MYH8: variants seen among roughly 807,000 people sequenced by gnomAD.
The protein encoded by MYH8 is myosin heavy chain 8.
Under a neutral mutation model 233.2 loss-of-function variants are expected in MYH8, and 168 were observed. That is an observed-to-expected ratio of 0.72 (90% CI 0.64 to 0.82). The LOEUF is 0.82. Ranked by LOEUF, MYH8 falls within the 40% of genes least tolerant of loss-of-function variation. The pLI is 0.00. For synonymous variants in MYH8, 785 were observed against 850.6 expected, an observed-to-expected ratio of 0.92 and a Z score of 1.34; for missense variants, 1,995 against 2,327.8, an observed-to-expected ratio of 0.86 and a Z score of 2.94.
At chr17:10,418,499 T>TCACAGC (rs2072306793) in intron 5 of MYH8, 146 bp downstream of exon 5, 1 of 1,428,316 alleles carries the variant, frequency 7.0e-7, no homozygotes, top group East Asian at 2.3e-5. Flanking sequence ...GCATAAGATG[T>TCACAGC]CACAGCTGTG....
Position 10,409,105 on chromosome 17 carries a change from G to T in MYH8, c.1957C>A (p.Leu653Ile), listed in dbSNP as rs1225738007. 6 of 1,613,926 alleles carry T rather than the reference G, an allele frequency of 3.7e-6. No individual in the cohort carries two copies. Among genetic ancestry groups the T allele is most frequent in the African/African-American group, 2.7e-5 (2 of 75,016 alleles). ...KGSSFQTVSA[L>I]FRENLNKLMT... Reference sequence around the variant, plus strand: ...TTAAATTTGTACTTTACCCTGAAAAGGGCAGACACAGTCTGGAAAGAAGAG... The same window carrying T: ...TTAAATTTGTACTTTACCCTGAAAATGGCAGACACAGTCTGGAAAGAAGAG... The change falls in exon 17 of 40, where the codon CTT becomes ATT. Residue 653 changes from leucine to isoleucine, a missense_variant. Leu to Ile is a conservative substitution (Grantham distance 5). Transcript: ENST00000403437.
At chr17:10,393,991 CTTTTTTTTTTTTTTT>C (rs35512526) in intron 35 of MYH8, among the ~76,000 whole-genome samples, 5 of 35,992 alleles carry the variant, frequency 1.4e-4, no homozygotes, top group Admixed American at 5.4e-4. Context: ...AAAGTAATAG[CTTTTTTTTTTTTTTT>C]TTTTTTTTTT....
intron 17 of MYH8, among the ~76,000 whole-genome samples, chr17:10,407,372 G>A (rs565557095): frequency 6.6e-6 from 1 of 152,256 alleles, no homozygotes; most frequent in Non-Finnish European, 1.5e-5. Flanking sequence ...GAGAATAGTT[G>A]AGATTGTTTG....
intron 38 of MYH8, 70 bp from the exon 39 acceptor site, chr17:10,392,047 A>C: frequency 1.5e-6 from 2 of 1,315,046 alleles, no homozygotes; most frequent in Non-Finnish European, 2.2e-6. Context: ...CTAAAATAAA[A>C]TCATTTGGCA....
rs1263632610 is a variant in MYH8, at chr17:10,417,399, C to G, written c.511+1246G>C. On this transcript the variant is annotated intron_variant, in intron 5 of 39. Transcript: ENST00000403437. The surrounding 1 kb of genome is among the most constrained non-coding windows in gnomAD (Gnocchi z 4.1). ...GTCGATGCAGATTTTGCATCCTATT[C>G]AGATAGATTTGTTTTCTAGTATAAG... Among the ~76,000 whole-genome samples the G allele has an allele frequency of 6.6e-6, 1 of 152,170 alleles. No individual in the cohort carries two copies. The highest frequency in any genetic ancestry group is 2.4e-5 in the African/African-American group (1 of 41,434).
At chr17:10,413,838 T>TAA in intron 12 of MYH8, 64 bp downstream of exon 12, 1 of 1,611,926 alleles carries the variant, frequency 6.2e-7, no homozygotes, top group Non-Finnish European at 8.5e-7. Context: ...GATGTGAGTG[T>TAA]AAAATAGGAT....
At chr17:10,421,206 G>A (rs901908614) in intron 2 of MYH8, among the ~76,000 whole-genome samples, 4 of 152,208 alleles carry the variant, frequency 2.6e-5, no homozygotes, top group Admixed American at 6.5e-5. Context: ...TAATACTTGC[G>A]ACCTGTTAAG....
intron 30 of MYH8, among the ~76,000 whole-genome samples, chr17:10,397,903 T>G (rs182931978): frequency 2.9e-4 from 44 of 152,340 alleles, no homozygotes; most frequent in Admixed American, 1.5e-3. Flanking sequence ...TTTTCCCTCC[T>G]GAATTCTCTA....
rs1429309706 is a variant in MYH8, at chr17:10,410,706, C to T, written c.1587+71G>A. 4 of 1,609,758 alleles carry T rather than the reference C, an allele frequency of 2.5e-6. No individual in the cohort carries two copies. In the African/African-American group the frequency reaches 4.0e-5, roughly 16 times the overall value. On this transcript the variant is annotated intron_variant, in intron 15 of 39. Transcript: ENST00000403437. Reference sequence around the variant, plus strand: ...CAAACCATTTGAGATTACAGTAATACTTTCTAGAATTGCTTAAGATTTCTG... The same window carrying T: ...CAAACCATTTGAGATTACAGTAATATTTTCTAGAATTGCTTAAGATTTCTG...
chr17:10,410,979 A>T (rs2072239091), intron 14 of MYH8, 32 bp from the exon 15 acceptor site: 5 of 1,614,110 alleles, frequency 3.1e-6, no homozygotes, highest in Non-Finnish European at 4.2e-6. Context: ...TCCAACATCA[A>T]ATGAGTTTTA....
chr17:10,415,530 T>C lies in MYH8; in HGVS notation c.590A>G (p.Tyr197Cys). Residue 197 changes from tyrosine to cysteine, a missense_variant, in exon 7 of 40, where the codon TAC (tyrosine) becomes TGC (cysteine). Tyr to Cys is a radical substitution (Grantham distance 194, BLOSUM62 -2). Coordinates refer to ENST00000403437, the MANE Select transcript of MYH8 (RefSeq NM_002472.3). The surrounding 1 kb of genome is among the most constrained non-coding windows in gnomAD (Gnocchi z 4.1). ...TCCAGTAACTGCAATTGTTGCAAAG[T>C]ATTGGATGACACGCTTGGTGTTCAC... is the stretch of plus-strand genomic sequence containing the variant. ...KTVNTKRVIQ[Y>C]FATIAVTGEK... 4 of 1,614,250 alleles carry C rather than the reference T, an allele frequency of 2.5e-6. No homozygotes were observed. In the South Asian group the frequency reaches 3.3e-5, roughly 13 times the overall value.
chr17:10,399,249 CTGTGTG>C (rs59619326), intron 28 of MYH8, among the ~76,000 whole-genome samples: 1 of 149,710 alleles, frequency 6.7e-6, no homozygotes, highest in Admixed American at 6.6e-5. Context: ...GATACTCAAC[CTGTGTG>C]TGTGTGTGTG....
At chr17:10,390,827 A>G (rs1337049155) in intron 39 of MYH8, among the ~76,000 whole-genome samples, 1 of 152,242 alleles carries the variant, frequency 6.6e-6, no homozygotes, top group Non-Finnish European at 1.5e-5. Flanking sequence ...AAGCCCATAC[A>G]TCCTTTTATG....
intron 17 of MYH8, among the ~76,000 whole-genome samples, chr17:10,408,353 G>T (rs1352668183): frequency 6.6e-6 from 1 of 152,100 alleles, no homozygotes; most frequent in Non-Finnish European, 1.5e-5. Context: ...TAAAACAAAA[G>T]TCTATTTGGT....
rs2072193506 is a variant in MYH8 at position 10,406,381 on chromosome 17, C to T, written c.2188G>A (p.Ala730Thr). The T allele has an allele frequency of 1.2e-6, 2 of 1,614,014 alleles. No homozygotes were observed. Among genetic ancestry groups the T allele is most frequent in the Non-Finnish European group, 1.7e-6 (2 of 1,179,938 alleles). The change falls in exon 20 of 40, where the codon GCA (alanine) becomes ACA (threonine). Residue 730 changes from alanine (A) to threonine (T), a missense_variant. Physicochemically the swap from Ala to Thr is moderately conservative, Grantham distance 58 (BLOSUM62 0). This residue lies in a region of MYH8 where 1,498 missense variants were observed against 1,680.9 expected (regional missense o/e 0.89). Coordinates refer to ENST00000403437, the MANE Select transcript of MYH8 (RefSeq NM_002472.3). Reference sequence around the variant, plus strand: ...AACTGTCCCTCTGGAATAGCACTTGCATTTAAAACCTTGTATCTGCTCAGT... The same window carrying T: ...AACTGTCCCTCTGGAATAGCACTTGTATTTAAAACCTTGTATCTGCTCAGT... ...DFKQRYKVLN[A>T]SAIPEGQFID...
rs2072076980 is a variant in MYH8 at position 10,396,227 on chromosome 17, T to C, written c.4653+103A>G. On this transcript the variant is annotated intron_variant, in intron 33 of 39. Transcript: ENST00000403437. The surrounding 1 kb of genome is among the most constrained non-coding windows in gnomAD (Gnocchi z 4.2). ...GATTTTGATAACTATTGCCAAGTTGTCCTTCATAAAGATCCTGTGAGTTTA... is the reference window on the plus strand; with the variant it reads ...GATTTTGATAACTATTGCCAAGTTGCCCTTCATAAAGATCCTGTGAGTTTA... 1.5e-6 allele frequency: 2 copies of C among 1,357,460 alleles called. No individual in the cohort carries two copies. The highest frequency in any genetic ancestry group is 2.9e-5 in the African/African-American group (2 of 69,772). The allele number at this position is 1,357,460 out of a possible 1,614,324, so 84.1% of individuals were successfully genotyped here. A position where few individuals can be genotyped will look rare whatever the true frequency, so the allele number is the denominator to read the frequency against.
chr17:10,411,953 TACCTTTG>T (rs2072247626), intron 14 of MYH8, among the ~76,000 whole-genome samples: 1 of 152,222 alleles, frequency 6.6e-6, no homozygotes, highest in African/African-American at 2.4e-5. Context: ...TCTAGGCTTC[TACCTTTG>T]GGCCTTTTCT....
chr17:10,397,020 C>T, intron 30 of MYH8, 34 bp from the exon 31 acceptor site: 15 of 1,611,268 alleles, frequency 9.3e-6, no homozygotes, highest in Non-Finnish European at 1.2e-5. Flanking sequence ...GGAGAATGGC[C>T]AAGACCAGAA....
chr17:10,407,044 A>G, intron 17 of MYH8, 65 bp from the exon 18 acceptor site: 1 of 1,264,316 alleles, frequency 7.9e-7, no homozygotes, highest in Non-Finnish European at 1.2e-6. Flanking sequence ...TTGTAATTAT[A>G]TGGAATGAAC....
Sources: allele counts gnomAD v4.1 joint callset (sites outside exome capture counted in the v4.1 genomes callset), GRCh38; gene constraint gnomAD v4.1.1; regional missense constraint gnomAD v4.1.1; non-coding constraint Gnocchi (gnomAD v3.1); transcripts MANE v1.5; gene names NCBI Gene and HGNC (gene_info 2026-07-23, HGNC 2026-07-21).